The following BTNL9 variants were observed in gnomAD, a reference collection of about 807,000 sequenced individuals.
BTNL9 encodes the protein butyrophilin like 9, also known as butyrophilin-like protein 9.
A neutral mutation model predicts 45.8 loss-of-function variants in BTNL9; 45 were observed. The observed-to-expected ratio is 0.98, with a 90% CI of 0.77 to 1.26. The LOEUF (loss-of-function observed/expected upper bound fraction) is 1.26. BTNL9 is among the 50% of genes most tolerant of loss of function. The probability of loss-of-function intolerance (pLI) is 0.00; values close to 1 mark genes in which losing one functional copy is unlikely to be tolerated. For missense variants in BTNL9, 784 were observed against 729.7 expected (o/e 1.07, Z -0.86); for synonymous variants, 346 against 330.8 (o/e 1.05, Z -0.50).
At chr5:181,047,831 T>C in intron 2 of BTNL9, 96 bp from the exon 3 acceptor site, 1 of 1,087,258 alleles carries the variant, frequency 9.2e-7, no homozygotes, top group Non-Finnish European at 1.3e-6. Context: ...CTTGTTTTTA[T>C]GGTTTACTGT....
Position 181,057,056 on chromosome 5 carries a change from T to A in BTNL9, c.955+1041T>A, listed in dbSNP as rs149551893. Reference sequence around the variant, plus strand: ...TGTGTGTGTGTGTGAGATTAATCCCTCATGGGTAAACATCGTGAATTCCTT... The same window carrying A: ...TGTGTGTGTGTGTGAGATTAATCCCACATGGGTAAACATCGTGAATTCCTT... On this transcript the variant is annotated intron_variant, in intron 9 of 10. Transcript: ENST00000327705. 9.8e-4 allele frequency: 151 copies of A among 153,782 alleles called. 4 individuals carry two copies. The East Asian group carries it at 0.028, about 28-fold the overall frequency. The allele number at this position is 153,782 out of a possible 1,614,324, so 9.5% of individuals were successfully genotyped here.
intron 9 of BTNL9, among the ~76,000 whole-genome samples, chr5:181,057,979 C>T (rs1761968478): frequency 6.6e-6 from 1 of 152,198 alleles, no homozygotes; most frequent in Admixed American, 6.5e-5. Context: ...TCTTTGGGAC[C>T]CGTCAGGCTC....
In BTNL9 at chr5:181,053,353, G is replaced by T. The variant is rs1046305598; in HGVS notation, c.853+37G>T. The T allele has an allele frequency of 6.6e-7, 1 of 1,515,940 alleles. No individual in the cohort carries two copies. Among genetic ancestry groups the T allele is most frequent in the East Asian group, 2.6e-5 (1 of 38,142 alleles). 93.9% of individuals were successfully genotyped at this position (1,515,940 alleles called of 1,614,324 possible). A position where few individuals can be genotyped will look rare whatever the true frequency, so the allele number is the denominator to read the frequency against. On this transcript the variant is annotated intron_variant, in intron 5 of 10. Transcript: ENST00000327705. The surrounding 1 kb of genome is among the most constrained non-coding windows in gnomAD (Gnocchi z 6.5). ...GGCGGCGGGGCGGGGAGGGGCACCG[G>T]CCGGTGCTGAACCCCGGGGCCGCGG... is the stretch of plus-strand genomic sequence containing the variant.
Position 181,053,826 on chromosome 5 carries a change from G to T in BTNL9, c.886+325G>T, listed in dbSNP as rs747927234. 1.1e-4 allele frequency: 163 copies of T among 1,513,574 alleles called. No homozygotes were observed. The highest frequency in any genetic ancestry group is 1.4e-4 in the Non-Finnish European group (155 of 1,132,878). The allele number at this position is 1,513,574 out of a possible 1,614,324, so 93.8% of individuals were successfully genotyped here. On this transcript the variant is annotated intron_variant, in intron 6 of 10. Transcript: ENST00000327705. The surrounding 1 kb of genome is among the most constrained non-coding windows in gnomAD (Gnocchi z 6.5). ...GGGTCTCTGCTGCCAGCGCCACCTC[G>T]TCCAGGTTTTCATAGCGCACAGGGA...
At chr5:181,049,361 A>C (rs1761409392) in intron 3 of BTNL9, among the ~76,000 whole-genome samples, 1 of 152,246 alleles carries the variant, frequency 6.6e-6, no homozygotes, top group Non-Finnish European at 1.5e-5. Flanking sequence ...CACCCAATGG[A>C]GTAATCTGTA....
chr5:181,046,211 C>T (rs1187213944), intron 2 of BTNL9, among the ~76,000 whole-genome samples: 302 of 89,792 alleles, frequency 3.4e-3, no homozygotes, highest in South Asian at 4.5e-3. Flanking sequence ...CACCATCTCC[C>T]CAGCCCCCAA....
intron 9 of BTNL9, among the ~76,000 whole-genome samples, chr5:181,057,642 C>CA (rs1032834672): frequency 6.6e-6 from 1 of 152,098 alleles, no homozygotes; most frequent in African/African-American, 2.4e-5. Flanking sequence ...TAAATCTCCC[C>CA]AAAAAATGCA....
intron 9 of BTNL9, chr5:181,056,803 C>T (rs1761907108): frequency 3.6e-6 from 2 of 559,706 alleles, no homozygotes; most frequent in East Asian, 6.0e-5. Flanking sequence ...TGTGAACCAG[C>T]ATTCCAAGTT....
chr5:181,052,436 C>T (rs1761591622), intron 4 of BTNL9, among the ~76,000 whole-genome samples: 1 of 152,170 alleles, frequency 6.6e-6, no homozygotes, highest in Non-Finnish European at 1.5e-5. Flanking sequence ...GCACTTAATG[C>T]CCCTGAACTG....
At chr5:181,056,862 A>T in intron 9 of BTNL9, 5 of 471,652 alleles carry the variant, frequency 1.1e-5, no homozygotes, top group Non-Finnish European at 1.9e-5. Flanking sequence ...TAGGTTTGCA[A>T]CCTCTGAATG....
chr5:181,047,934 G>A lies in BTNL9; in HGVS notation c.117G>A (p.Lys39=), dbSNP rs267600587. 6.2e-7 allele frequency: 1 copy of A among 1,612,928 alleles called. No homozygotes were observed. The highest frequency in any genetic ancestry group is 8.5e-7 in the Non-Finnish European group (1 of 1,179,248). The change falls in exon 3 of 11, where the codon AAG becomes AAA. Residue 39 remains lysine (K), a synonymous_variant. Coordinates refer to ENST00000327705, the MANE Select transcript of BTNL9 (RefSeq NM_152547.5). ...LQPGEPSSEV[K]VLGPEYPILA... ...TCTGACTTGTCATCCTAGAGGTCAAGGTGCTAGGCCCTGAGTATCCCATCC... is the reference window on the plus strand; with the variant it reads ...TCTGACTTGTCATCCTAGAGGTCAAAGTGCTAGGCCCTGAGTATCCCATCC...
intron 6 of BTNL9, 183 bp from the exon 7 acceptor site, chr5:181,054,056 G>A (rs573344260): frequency 1.9e-6 from 3 of 1,545,200 alleles, no homozygotes; most frequent in African/African-American, 1.4e-5. Flanking sequence ...CCAAGGGTGC[G>A]CACTTCCCCA....
chr5:181,046,877 G>C (rs966268634), intron 2 of BTNL9, among the ~76,000 whole-genome samples: 1 of 152,206 alleles, frequency 6.6e-6, no homozygotes, highest in Admixed American at 6.5e-5. Flanking sequence ...ATTAGCTGAG[G>C]TAGGGTGTGC....
rs75075811 is a variant in BTNL9, at chr5:181,055,033, C to T, written c.908-400C>T. 3.0e-3 allele frequency: 2,974 copies of T among 985,420 alleles called. 75 individuals are homozygous for T. In the African/African-American group the frequency reaches 0.048, roughly 16 times the overall value. 61.0% of individuals were successfully genotyped at this position (985,420 alleles called of 1,614,324 possible). A position where few individuals can be genotyped will look rare whatever the true frequency, so the allele number is the denominator to read the frequency against. Reference sequence around the variant, plus strand: ...TAATTGGGTGTGATGTCCTTCCAGTCCTTCAGATAACGCACCCGGTGAGTG... The same window carrying T: ...TAATTGGGTGTGATGTCCTTCCAGTTCTTCAGATAACGCACCCGGTGAGTG... On this transcript the variant is annotated intron_variant, in intron 7 of 10. Transcript: ENST00000327705. The surrounding 1 kb of genome is among the most constrained non-coding windows in gnomAD (Gnocchi z 4.4).
intron 10 of BTNL9, 58 bp from the exon 11 acceptor site, chr5:181,059,179 A>G (rs939593758): frequency 2.1e-6 from 3 of 1,422,798 alleles, no homozygotes; most frequent in Non-Finnish European, 2.7e-6. Flanking sequence ...GCCTTGGGGA[A>G]GACACGGACG....
chr5:181,053,917 C>G lies in BTNL9; in HGVS notation c.887-322C>G. On this transcript the variant is annotated intron_variant, in intron 6 of 10. Transcript: ENST00000327705. This position sits in a 1 kb window ranked among gnomAD's most constrained non-coding sequence, Gnocchi z 6.5. ...CGGCGGTCAGGCACCGAGAAAACAG[C>G]CCAGTTACGTGAGGCAGTGTCCGGG... 1 of 1,511,286 alleles carries G rather than the reference C, an allele frequency of 6.6e-7. No homozygotes were observed. The highest frequency in any genetic ancestry group is 1.4e-5 in the African/African-American group (1 of 72,660). The allele number at this position is 1,511,286 out of a possible 1,614,324, so 93.6% of individuals were successfully genotyped here. A position where few individuals can be genotyped will look rare whatever the true frequency, so the allele number is the denominator to read the frequency against.
Position 181,059,702 on chromosome 5 carries a change from G to T in BTNL9, c.1448G>T (p.Cys483Phe), listed in dbSNP as rs756260354. The T allele has an allele frequency of 3.7e-6, 6 of 1,613,638 alleles. 1 individual carries two copies. The South Asian group carries it at 6.6e-5, about 18-fold the overall frequency. The change falls in exon 11 of 11, where the codon TGT becomes TTT. Residue 483 changes from cysteine (C) to phenylalanine (F), a missense_variant. Coordinates refer to ENST00000327705, the MANE Select transcript of BTNL9 (RefSeq NM_152547.5). The part of the protein sequence containing the change: ...TFHDTFSGAL[C>F]AYFRPRAHDG... ...CACGACACCTTCTCGGGCGCGCTCT[G>T]TGCGTACTTCAGGCCCAGGGCCCAC...
At position 181,040,993 on chromosome 5, in the gene BTNL9, A is replaced by G. The variant is rs373775273; in HGVS notation, c.-24+561A>G. ...GATAATTTCTGTACTTTGTTACTAG[A>G]GAAGTTTTCCACTCTGGGACCCCAC... On this transcript the variant is annotated intron_variant, in intron 1 of 10. Transcript: ENST00000327705. 6.7e-4 allele frequency among the ~76,000 whole-genome samples: 102 copies of G among 152,368 alleles called. 2 individuals carry two copies. In the South Asian group the frequency reaches 0.02, roughly 30 times the overall value.
Position 181,060,491 on chromosome 5 carries a change from C to G in BTNL9, c.*629C>G, listed in dbSNP as rs1762105280. ...GCCAGGCCGAAGGGGCCTCACTGAC[C>G]AATTGTGGGACAATTTGAACATCAG... On this transcript the variant is annotated 3_prime_UTR_variant, in exon 11 of 11. Transcript: ENST00000327705. 1 of 152,162 alleles carries G rather than the reference C, an allele frequency of 6.6e-6. No individual in the cohort carries two copies. Among genetic ancestry groups the G allele is most frequent in the Admixed American group, 6.6e-5 (1 of 15,264 alleles). 9.4% of individuals were successfully genotyped at this position (152,162 alleles called of 1,614,324 possible).
Sources: allele counts gnomAD v4.1 joint callset (sites outside exome capture counted in the v4.1 genomes callset), GRCh38; gene constraint gnomAD v4.1.1; non-coding constraint Gnocchi (gnomAD v3.1); transcripts MANE v1.5; gene names NCBI Gene and HGNC (gene_info 2026-07-23, HGNC 2026-07-21).